The following CHRM3 variants were observed in gnomAD, a reference collection of about 807,000 sequenced individuals.
CHRM3 encodes cholinergic receptor muscarinic 3.
CHRM3 carries 11 observed loss-of-function variants against 41.8 expected under a neutral mutation model. The ratio of observed to expected loss-of-function variants is 0.26; its 90% CI spans 0.17 to 0.44. The LOEUF (loss-of-function observed/expected upper bound fraction) is 0.44. Among genes scored for constraint, CHRM3 ranks in the 20% least tolerant of loss-of-function variants. CHRM3 has a pLI of 1.00. For missense variants in CHRM3, 571 were observed against 745.4 expected, an observed-to-expected ratio of 0.77 and a Z score of 2.72; for synonymous variants, 297 against 301.4, an observed-to-expected ratio of 0.99 and a Z score of 0.15.
intron 5 of CHRM3, among the ~76,000 whole-genome samples, chr1:239,820,026 T>C (rs929485230): frequency 4.6e-5 from 7 of 152,168 alleles, no homozygotes; most frequent in African/African-American, 1.7e-4. Flanking sequence ...GTGTTTACCA[T>C]GTCGGTGAGA....
chr1:239,691,752 A>G (rs1659742552), intron 5 of CHRM3, among the ~76,000 whole-genome samples: 1 of 152,110 alleles, frequency 6.6e-6, no homozygotes, highest in Non-Finnish European at 1.5e-5. Context: ...CCTAATTTAG[A>G]TATATACATA....
At chr1:239,782,415 C>T (rs1447854364) in intron 5 of CHRM3, among the ~76,000 whole-genome samples, 1 of 152,004 alleles carries the variant, frequency 6.6e-6, no homozygotes, top group East Asian at 1.9e-4. Flanking sequence ...CATAATGTTC[C>T]TTTATCATCC....
chr1:239,657,358 A>T (rs555825304), intron 4 of CHRM3, among the ~76,000 whole-genome samples: 1 of 152,288 alleles, frequency 6.6e-6, no homozygotes, highest in Admixed American at 6.5e-5. Context: ...ATACTATTTC[A>T]CTCAGTTTGG....
chr1:239,767,487 C>T (rs191239110), intron 5 of CHRM3, among the ~76,000 whole-genome samples: 2 of 152,188 alleles, frequency 1.3e-5, no homozygotes, highest in East Asian at 3.9e-4. Flanking sequence ...CAAAAGGGGA[C>T]TTTGGGGGTT....
chr1:239,855,776 C>T (rs1469970792), intron 6 of CHRM3, among the ~76,000 whole-genome samples: 3 of 152,126 alleles, frequency 2.0e-5, no homozygotes, highest in Non-Finnish European at 4.4e-5. Context: ...TATAAACCCA[C>T]CTTTTAGAGT....
intron 3 of CHRM3, chr1:239,606,215 G>T (rs1328865954): frequency 6.6e-6 from 1 of 151,780 alleles, no homozygotes; most frequent in African/African-American, 2.4e-5. Context: ...TAATATTAAT[G>T]GAATTATTAT....
At chr1:239,601,281 T>C (rs1264862241) in intron 3 of CHRM3, among the ~76,000 whole-genome samples, 2 of 152,208 alleles carry the variant, frequency 1.3e-5, no homozygotes, top group East Asian at 3.8e-4. Flanking sequence ...ATGTGAGTGA[T>C]GGTGATGTGA....
At chr1:239,622,768 A>G (rs1668526053) in intron 3 of CHRM3, among the ~76,000 whole-genome samples, 1 of 152,184 alleles carries the variant, frequency 6.6e-6, no homozygotes. Flanking sequence ...AAGATTTAGA[A>G]TATTACGTAA....
At chr1:239,446,178 G>A (rs1042430446) in intron 1 of CHRM3, among the ~76,000 whole-genome samples, 11 of 152,164 alleles carry the variant, frequency 7.2e-5, no homozygotes, top group Non-Finnish European at 1.0e-4. Context: ...CTCGTGATCC[G>A]CCCGCCTTGG....
chr1:239,561,829 A>T (rs1660892149), intron 3 of CHRM3, among the ~76,000 whole-genome samples: 1 of 152,160 alleles, frequency 6.6e-6, no homozygotes, highest in South Asian at 2.1e-4. Flanking sequence ...CATAGTAGAC[A>T]CTAAATATTT....
chr1:239,788,341 C>T (rs966370412), intron 5 of CHRM3, among the ~76,000 whole-genome samples: 1 of 152,176 alleles, frequency 6.6e-6, no homozygotes, highest in Non-Finnish European at 1.5e-5. Flanking sequence ...CAACCACCAA[C>T]CTTCAGCAAT....
chr1:239,803,440 T>G (rs776772938), intron 5 of CHRM3, among the ~76,000 whole-genome samples: 6 of 152,210 alleles, frequency 3.9e-5, no homozygotes, highest in Non-Finnish European at 7.3e-5. Context: ...CACACTCTTT[T>G]CAAAACCATG....
At chr1:239,515,407 T>A (rs920339512) in intron 2 of CHRM3, among the ~76,000 whole-genome samples, 41 of 140,456 alleles carry the variant, frequency 2.9e-4, no homozygotes, top group African/African-American at 9.2e-4. Flanking sequence ...TCACATGTTT[T>A]TTTTGTTTTT....
At chr1:239,897,831 T>C (rs868101817) in intron 6 of CHRM3, among the ~76,000 whole-genome samples, 2 of 152,206 alleles carry the variant, frequency 1.3e-5, no homozygotes, top group African/African-American at 2.4e-5. Flanking sequence ...TAGGTTTTTG[T>C]TTTTGAGGAA....
At chr1:239,615,076 A>G (rs1488829170) in intron 3 of CHRM3, among the ~76,000 whole-genome samples, 1 of 152,176 alleles carries the variant, frequency 6.6e-6, no homozygotes, top group Non-Finnish European at 1.5e-5. Context: ...GATACCCTGA[A>G]GAAAAAGGAT....
intron 1 of CHRM3, among the ~76,000 whole-genome samples, chr1:239,419,166 G>C (rs142505363): frequency 1.3e-5 from 2 of 152,046 alleles, no homozygotes; most frequent in Non-Finnish European, 2.9e-5. Flanking sequence ...AAGGGTTCTC[G>C]TATTGCTTAT....
chr1:239,479,831 T>G (rs1018248245), intron 1 of CHRM3, among the ~76,000 whole-genome samples: 22 of 152,204 alleles, frequency 1.4e-4, no homozygotes, highest in Non-Finnish European at 3.2e-4. Flanking sequence ...GACTGCAAGT[T>G]GCTCTAGGTG....
intron 5 of CHRM3, among the ~76,000 whole-genome samples, chr1:239,770,503 A>G (rs1308145573): frequency 1.3e-5 from 2 of 152,210 alleles, no homozygotes; most frequent in African/African-American, 4.8e-5. Flanking sequence ...GAAGAAAGCT[A>G]AGAGCCTGGA....
intron 4 of CHRM3, among the ~76,000 whole-genome samples, chr1:239,657,944 A>G (rs1672859966): frequency 6.6e-6 from 1 of 152,026 alleles, no homozygotes; most frequent in South Asian, 2.1e-4. Context: ...TGACAGCTAC[A>G]TTGTTGTAGG....
Sources: allele counts gnomAD v4.1 joint callset (sites outside exome capture counted in the v4.1 genomes callset), GRCh38; gene constraint gnomAD v4.1.1; transcripts MANE v1.5; gene names NCBI Gene and HGNC (gene_info 2026-07-23, HGNC 2026-07-21).